The following FHOD3 variants were observed in gnomAD, a reference collection of about 807,000 sequenced individuals.
The protein encoded by FHOD3 is formin homology 2 domain containing 3.
A neutral mutation model predicts 173.0 loss-of-function variants in FHOD3; 90 were observed. The observed-to-expected ratio is 0.52, with a 90% CI of 0.44 to 0.62. The LOEUF is 0.62. FHOD3 is among the 20% of genes least tolerant of loss of function. The pLI is 0.00. For missense variants in FHOD3, 1,945 were observed against 2,034.7 expected (o/e 0.96, Z 0.85); for synonymous variants, 828 against 823.0 (o/e 1.01, Z -0.10).
At chr18:36,637,045 T>C (rs1281795236) in intron 10 of FHOD3, among the ~76,000 whole-genome samples, 1 of 152,184 alleles carries the variant, frequency 6.6e-6, no homozygotes, top group East Asian at 1.9e-4. Flanking sequence ...ATTTATGGAC[T>C]TGGGTCCACA....
At chr18:36,488,254 C>T (rs2054288994) in intron 3 of FHOD3, among the ~76,000 whole-genome samples, 1 of 152,192 alleles carries the variant, frequency 6.6e-6, no homozygotes, top group African/African-American at 2.4e-5. Context: ...CTTTTGACCC[C>T]AGCTAATGAT....
At chr18:36,664,407 G>C (rs925531147) in intron 14 of FHOD3, among the ~76,000 whole-genome samples, 39 of 152,148 alleles carry the variant, frequency 2.6e-4, no homozygotes, top group African/African-American at 7.2e-4. Flanking sequence ...CAGCAGTCTT[G>C]TTACAAACAA....
chr18:36,530,997 T>C (rs2146852146), intron 5 of FHOD3, among the ~76,000 whole-genome samples: 1 of 152,340 alleles, frequency 6.6e-6, no homozygotes, highest in South Asian at 2.1e-4. Flanking sequence ...GTCTTGCCTC[T>C]GTGACCATGG....
At chr18:36,381,162 T>A (rs2047762848) in intron 3 of FHOD3, among the ~76,000 whole-genome samples, 1 of 152,214 alleles carries the variant, frequency 6.6e-6, no homozygotes, top group South Asian at 2.1e-4. Context: ...TAAATAAATG[T>A]CTTTAGAAAC....
chr18:36,757,470 G>A (rs544761483), intron 25 of FHOD3, among the ~76,000 whole-genome samples: 18 of 152,310 alleles, frequency 1.2e-4, no homozygotes, highest in African/African-American at 3.8e-4. Flanking sequence ...TCATAACCTG[G>A]TTAAAAATGG....
intron 16 of FHOD3, chr18:36,692,976 G>A: frequency 1.7e-6 from 1 of 574,850 alleles, no homozygotes; most frequent in East Asian, 2.9e-5. Flanking sequence ...TCTAGGGACT[G>A]TGTGATGCTG....
At chr18:36,424,760 A>G (rs1463393801) in intron 3 of FHOD3, among the ~76,000 whole-genome samples, 2 of 152,234 alleles carry the variant, frequency 1.3e-5, no homozygotes, top group Non-Finnish European at 2.9e-5. Flanking sequence ...CCAGACATAA[A>G]CAATTCATAA....
At chr18:36,474,018 C>A (rs2053426931) in intron 3 of FHOD3, among the ~76,000 whole-genome samples, 1 of 152,230 alleles carries the variant, frequency 6.6e-6, no homozygotes, top group African/African-American at 2.4e-5. Flanking sequence ...ATGGCAGTGA[C>A]ATCCAGGTTC....
intron 3 of FHOD3, among the ~76,000 whole-genome samples, chr18:36,395,498 TG>T (rs2048514302): frequency 6.6e-6 from 1 of 152,198 alleles, no homozygotes; most frequent in Non-Finnish European, 1.5e-5. Context: ...ATTCTCGAGT[TG>T]GGGAGTCTTT....
intron 5 of FHOD3, among the ~76,000 whole-genome samples, chr18:36,569,369 T>C (rs1243426727): frequency 6.6e-6 from 1 of 152,144 alleles, no homozygotes; most frequent in African/African-American, 2.4e-5. Flanking sequence ...AGAAAATAAT[T>C]AGAGGCAAAG....
At chr18:36,690,240 A>G (rs1407665313) in intron 16 of FHOD3, among the ~76,000 whole-genome samples, 1 of 152,238 alleles carries the variant, frequency 6.6e-6, no homozygotes, top group African/African-American at 2.4e-5. Context: ...CATTCAATAA[A>G]TAAATGAAAA....
chr18:36,415,565 C>T (rs2049594471), intron 3 of FHOD3, among the ~76,000 whole-genome samples: 1 of 152,182 alleles, frequency 6.6e-6, no homozygotes, highest in Non-Finnish European at 1.5e-5. Flanking sequence ...TCCTTTTCAG[C>T]TGCATTTTGT....
intron 7 of FHOD3, among the ~76,000 whole-genome samples, chr18:36,598,828 C>T (rs1336224046): frequency 1.3e-5 from 2 of 152,198 alleles, no homozygotes; most frequent in South Asian, 2.1e-4. Context: ...GGATTACAGG[C>T]GTGAGCCACC....
chr18:36,477,530 C>CCATCCAT (rs1568324264), intron 3 of FHOD3, among the ~76,000 whole-genome samples: 2 of 100,052 alleles, frequency 2.0e-5, no homozygotes, highest in African/African-American at 8.8e-5. Flanking sequence ...CATCCATCCA[C>CCATCCAT]CCACCCACCC....
At chr18:36,630,195 C>A (rs186361704) in intron 10 of FHOD3, among the ~76,000 whole-genome samples, 58 of 152,106 alleles carry the variant, frequency 3.8e-4, no homozygotes, top group Middle Eastern at 3.4e-3. Flanking sequence ...AAAATTGACT[C>A]TTTTTCAGAG....
At chr18:36,687,717 G>A (rs1195286422) in intron 16 of FHOD3, among the ~76,000 whole-genome samples, 6 of 152,128 alleles carry the variant, frequency 3.9e-5, no homozygotes, top group Non-Finnish European at 8.8e-5. Context: ...ATGTAGTTGG[G>A]ACTTAGGAAT....
intron 1 of FHOD3, among the ~76,000 whole-genome samples, chr18:36,309,803 A>G (rs2092206500): frequency 1.3e-5 from 2 of 152,182 alleles, no homozygotes; most frequent in Admixed American, 6.5e-5. Flanking sequence ...ATTTTTGTGG[A>G]CAGTGATTCA....
intron 1 of FHOD3, among the ~76,000 whole-genome samples, chr18:36,310,283 G>A (rs1411985883): frequency 6.6e-6 from 1 of 152,210 alleles, no homozygotes; most frequent in East Asian, 1.9e-4. Flanking sequence ...CCTTTATTAT[G>A]ATGATGGGCT....
chr18:36,552,579 A>C (rs1237385109), intron 5 of FHOD3, among the ~76,000 whole-genome samples: 1 of 151,358 alleles, frequency 6.6e-6, no homozygotes, highest in African/African-American at 2.4e-5. Context: ...GCTCACTGCA[A>C]GCTCCGCCTC....
Sources: gnomAD v4.1 joint callset for allele counts (sites outside exome capture counted in the v4.1 genomes callset) on GRCh38, gnomAD v4.1.1 for gene constraint, MANE v1.5 for transcripts, NCBI Gene and HGNC (gene_info 2026-07-23, HGNC 2026-07-21) for gene names.